The following TMCO5A variants were observed in gnomAD, a reference collection of about 807,000 sequenced individuals.
TMCO5A encodes the protein transmembrane and coiled-coil domain-containing protein 5A.
Under a neutral mutation model 42.3 loss-of-function variants are expected in TMCO5A, and 34 were observed. The ratio of observed to expected loss-of-function variants is 0.80; its 90% CI spans 0.61 to 1.07. The LOEUF (loss-of-function observed/expected upper bound fraction) is 1.07, where lower values mean the gene tolerates loss of function less well. TMCO5A is among the 50% of genes least tolerant of loss of function. The pLI is 0.00. For synonymous variants in TMCO5A, 131 were observed against 115.6 expected, an observed-to-expected ratio of 1.13 and a Z score of -0.86; for missense variants, 357 against 327.9, an observed-to-expected ratio of 1.09 and a Z score of -0.69.
chr15:37,995,387 T>G, the TMCO5A span, among the ~76,000 whole-genome samples: 22 of 152,384 alleles, frequency 1.4e-4, no homozygotes, highest in South Asian at 2.1e-4. Flanking sequence ...ACTTTCTCAC[T>G]CCACAGGAGA....
chr15:37,937,722 T>C (rs1889571062), intron 5 of TMCO5A, among the ~76,000 whole-genome samples: 2 of 152,164 alleles, frequency 1.3e-5, no homozygotes, highest in Non-Finnish European at 1.5e-5. Context: ...TTAATTTTAC[T>C]TTCAACAGAG....
At chr15:38,000,524 G>C in the TMCO5A span, among the ~76,000 whole-genome samples, 1 of 151,760 alleles carries the variant, frequency 6.6e-6, no homozygotes, top group East Asian at 1.9e-4. Flanking sequence ...TTTCTGTTAA[G>C]ATTTTTATTA....
intron 4 of TMCO5A, 139 bp downstream of exon 4, chr15:37,937,109 C>A: frequency 2.2e-6 from 3 of 1,360,382 alleles, no homozygotes; most frequent in Non-Finnish European, 3.0e-6. Context: ...TTTGTCCATG[C>A]GTGGAAGGGG....
Position 37,951,376 on chromosome 15 carries a change from T to C in TMCO5A, c.*142T>C. ...TGCTTGACTACCTTCTGTCACCACG[T>C]CATCTTTCCAGGATTAACCTTGACC... On this transcript the variant is annotated 3_prime_UTR_variant, in exon 12 of 12. Transcript: ENST00000319669. 1.4e-6 allele frequency: 1 copy of C among 721,518 alleles called. No individual in the cohort carries two copies. The highest frequency in any genetic ancestry group is 1.9e-5 in the South Asian group (1 of 53,332). The allele number at this position is 721,518 out of a possible 1,614,324, so 44.7% of individuals were successfully genotyped here. A position where few individuals can be genotyped will look rare whatever the true frequency, so the allele number is the denominator to read the frequency against.
downstream of TMCO5A, among the ~76,000 whole-genome samples, chr15:37,954,497 C>T (rs947873150): frequency 6.6e-6 from 1 of 151,942 alleles, no homozygotes; most frequent in African/African-American, 2.4e-5. Context: ...GCTTTCTAGA[C>T]AAACAAAATC....
chr15:37,982,602 T>C, the TMCO5A span, among the ~76,000 whole-genome samples: 1 of 130,818 alleles, frequency 7.6e-6, no homozygotes, highest in Non-Finnish European at 1.5e-5. Context: ...CTATAATTTA[T>C]AATATATAAT....
At chr15:38,038,465 C>T in the TMCO5A span, among the ~76,000 whole-genome samples, 6 of 149,182 alleles carry the variant, frequency 4.0e-5, no homozygotes, top group Non-Finnish European at 7.4e-5. Flanking sequence ...AGTGCAGTGG[C>T]TGCGATCTCG....
At chr15:37,982,480 G>GA in the TMCO5A span, among the ~76,000 whole-genome samples, 1 of 79,644 alleles carries the variant, frequency 1.3e-5, no homozygotes, top group Non-Finnish European at 2.1e-5. Flanking sequence ...GATATTTTAT[G>GA]TATTATATAT....
chr15:37,970,591 A>G (rs1890654685), downstream of TMCO5A, among the ~76,000 whole-genome samples: 1 of 152,234 alleles, frequency 6.6e-6, no homozygotes, highest in South Asian at 2.1e-4. Flanking sequence ...AAAAGTCCAC[A>G]GTCCAAAGTC....
At chr15:37,988,340 C>A in the TMCO5A span, among the ~76,000 whole-genome samples, 1 of 151,968 alleles carries the variant, frequency 6.6e-6, no homozygotes, top group East Asian at 1.9e-4. Flanking sequence ...CTTTTTACTT[C>A]TTTTTCTTGC....
chr15:37,986,370 G>A, the TMCO5A span, among the ~76,000 whole-genome samples: 1 of 144,758 alleles, frequency 6.9e-6, no homozygotes, highest in African/African-American at 2.7e-5. Context: ...AGCCAAGGGG[G>A]GTAAGGGATG....
chr15:37,953,404 AAG>A (rs541303012), downstream of TMCO5A, among the ~76,000 whole-genome samples: 265 of 152,266 alleles, frequency 1.7e-3, 4 homozygotes, highest in Admixed American at 3.1e-3. Context: ...GAAGTAAGGA[AAG>A]AGAATACGAA....
chr15:37,993,177 T>C, the TMCO5A span, among the ~76,000 whole-genome samples: 1 of 152,066 alleles, frequency 6.6e-6, no homozygotes, highest in South Asian at 2.1e-4. Context: ...TTTATGAGAG[T>C]TGCTTTAAAG....
At chr15:38,010,888 G>T in the TMCO5A span, among the ~76,000 whole-genome samples, 6 of 152,042 alleles carry the variant, frequency 3.9e-5, no homozygotes, top group African/African-American at 1.4e-4. Context: ...AAGTAGCTGG[G>T]AGGCATGTGC....
At chr15:38,014,498 G>C in the TMCO5A span, among the ~76,000 whole-genome samples, 4 of 151,966 alleles carry the variant, frequency 2.6e-5, no homozygotes, top group Non-Finnish European at 1.5e-5. Flanking sequence ...GAATTTGCTA[G>C]AACTAATGAC....
downstream of TMCO5A, among the ~76,000 whole-genome samples, chr15:37,972,561 T>C (rs1223449455): frequency 6.6e-6 from 1 of 152,232 alleles, no homozygotes; most frequent in Non-Finnish European, 1.5e-5. Flanking sequence ...TTTCATATGC[T>C]TCTTGACCAT....
chr15:37,994,325 A>G, the TMCO5A span, among the ~76,000 whole-genome samples: 1 of 152,224 alleles, frequency 6.6e-6, no homozygotes, highest in Non-Finnish European at 1.5e-5. Context: ...TAAGAGAGTC[A>G]GGAACTAGAG....
chr15:38,031,834 C>T, the TMCO5A span, among the ~76,000 whole-genome samples: 2 of 152,188 alleles, frequency 1.3e-5, no homozygotes, highest in African/African-American at 4.8e-5. Flanking sequence ...AAATAGCATT[C>T]TAGCCCTGCC....
At chr15:37,971,235 T>C (rs1274939592), downstream of TMCO5A, among the ~76,000 whole-genome samples, 7 of 152,170 alleles carry the variant, frequency 4.6e-5, no homozygotes, top group Non-Finnish European at 7.3e-5. Flanking sequence ...ACCTGTAGAC[T>C]CAACACCATG....
Sources: allele counts gnomAD v4.1 joint callset (sites outside exome capture counted in the v4.1 genomes callset), GRCh38; gene constraint gnomAD v4.1.1; transcripts MANE v1.5; gene names NCBI Gene and HGNC (gene_info 2026-07-23, HGNC 2026-07-21).